The following RBFOX3 variants were observed in gnomAD, a reference collection of about 807,000 sequenced individuals.
RBFOX3 encodes the protein RNA binding protein fox-1 homolog 3.
RBFOX3 carries 17 observed loss-of-function variants against 48.7 expected under a neutral mutation model. The observed-to-expected ratio is 0.35, with a 90% CI of 0.24 to 0.52. The LOEUF (loss-of-function observed/expected upper bound fraction) is 0.52. Ranked by LOEUF, RBFOX3 falls within the 20% of genes least tolerant of loss-of-function variation. The pLI is 0.94. For missense variants in RBFOX3, 382 were observed against 497.5 expected, an observed-to-expected ratio of 0.77 and a Z score of 2.21; for synonymous variants, 212 against 209.5, an observed-to-expected ratio of 1.01 and a Z score of -0.10.
intron 2 of RBFOX3, among the ~76,000 whole-genome samples, chr17:79,411,597 C>T (rs1796250490): frequency 1.3e-5 from 2 of 152,194 alleles, no homozygotes; most frequent in Non-Finnish European, 2.9e-5. Flanking sequence ...CCCTGCCTGC[C>T]AGCCCGACTT....
intron 3 of RBFOX3, among the ~76,000 whole-genome samples, chr17:79,293,534 C>A (rs1485487042): frequency 6.6e-6 from 1 of 151,586 alleles, no homozygotes; most frequent in Admixed American, 6.6e-5. Flanking sequence ...CTCATTGCAA[C>A]CTCCACCTTC....
intron 2 of RBFOX3, among the ~76,000 whole-genome samples, chr17:79,388,449 T>C (rs1225344766): frequency 1.3e-5 from 2 of 152,188 alleles, no homozygotes; most frequent in African/African-American, 2.4e-5. Flanking sequence ...CCAACACACA[T>C]GGAATCGTTT....
At chr17:79,092,995 C>T (rs2074277100) in intron 14 of RBFOX3, among the ~76,000 whole-genome samples, 3 of 151,996 alleles carry the variant, frequency 2.0e-5, no homozygotes, top group Admixed American at 2.0e-4. Flanking sequence ...CCTCGCACCC[C>T]AGCAGGGTGG....
At chr17:79,180,817 G>A (rs908262487) in intron 4 of RBFOX3, among the ~76,000 whole-genome samples, 4 of 151,412 alleles carry the variant, frequency 2.6e-5, no homozygotes, top group East Asian at 2.0e-4. Context: ...AGCCGCGGGC[G>A]AGGGAAGGAA....
At chr17:79,381,345 T>C (rs887208632) in intron 2 of RBFOX3, among the ~76,000 whole-genome samples, 1 of 152,196 alleles carries the variant, frequency 6.6e-6, no homozygotes, top group African/African-American at 2.4e-5. Flanking sequence ...CATTGTCAGG[T>C]CGACATGTGA....
chr17:79,092,438 G>GAAAT (rs2074112453), intron 14 of RBFOX3: 1 of 985,668 alleles, frequency 1.0e-6, no homozygotes, highest in African/African-American at 1.7e-5. Flanking sequence ...TGGCTGGAGA[G>GAAAT]AAATAATCTA....
intron 3 of RBFOX3, among the ~76,000 whole-genome samples, chr17:79,253,787 A>G (rs997786604): frequency 2.0e-5 from 3 of 152,182 alleles, no homozygotes; most frequent in African/African-American, 7.2e-5. Flanking sequence ...TTGAGCACCT[A>G]CTGTGTTTTG....
chr17:79,545,812 C>T (rs1233194845), intron 1 of RBFOX3, among the ~76,000 whole-genome samples: 6 of 152,234 alleles, frequency 3.9e-5, no homozygotes, highest in African/African-American at 1.2e-4. Flanking sequence ...CAGACATGCA[C>T]ACTCAGACAC....
intron 1 of RBFOX3, among the ~76,000 whole-genome samples, chr17:79,536,167 T>TC (rs1454357425): frequency 2.3e-4 from 33 of 141,578 alleles, no homozygotes; most frequent in African/African-American, 8.7e-4. Flanking sequence ...ACCTCTGCCT[T>TC]CCAGGCTCAA....
chr17:79,462,946 G>A (rs534345618), intron 2 of RBFOX3, among the ~76,000 whole-genome samples: 1 of 152,014 alleles, frequency 6.6e-6, no homozygotes, highest in Non-Finnish European at 1.5e-5. Flanking sequence ...TTTGAGCATC[G>A]TTCGATTGCC....
intron 4 of RBFOX3, among the ~76,000 whole-genome samples, chr17:79,183,857 C>T (rs1034732855): frequency 2.0e-5 from 3 of 152,148 alleles, no homozygotes; most frequent in African/African-American, 7.2e-5. Context: ...CCGCCGGCAC[C>T]GGGGCAGCCC....
chr17:79,267,660 G>T (rs924138687), intron 3 of RBFOX3, among the ~76,000 whole-genome samples: 12 of 152,078 alleles, frequency 7.9e-5, no homozygotes, highest in Non-Finnish European at 2.9e-5. Context: ...CAAAGTGCTG[G>T]GATTACAGGT....
At chr17:79,337,035 G>A (rs568982633) in intron 2 of RBFOX3, among the ~76,000 whole-genome samples, 23 of 152,114 alleles carry the variant, frequency 1.5e-4, no homozygotes, top group South Asian at 4.2e-4. Flanking sequence ...CAGAAGAATC[G>A]CTTGAACCTG....
chr17:79,609,243 GAA>G (rs1254321389), intron 1 of RBFOX3, among the ~76,000 whole-genome samples: 1 of 152,164 alleles, frequency 6.6e-6, no homozygotes, highest in African/African-American at 2.4e-5. Flanking sequence ...GCTTCCGGCT[GAA>G]AGACCTCATT....
At chr17:79,272,010 C>T (rs1409724907) in intron 3 of RBFOX3, among the ~76,000 whole-genome samples, 1 of 152,236 alleles carries the variant, frequency 6.6e-6, no homozygotes, top group African/African-American at 2.4e-5. Flanking sequence ...AAATAGCCCG[C>T]TGGGTGGGCC....
At chr17:79,114,010 C>T (rs2033023035) in intron 5 of RBFOX3, among the ~76,000 whole-genome samples, 1 of 152,152 alleles carries the variant, frequency 6.6e-6, no homozygotes, top group African/African-American at 2.4e-5. Flanking sequence ...GACCCTCCTG[C>T]TTCTGGTTTT....
intron 1 of RBFOX3, among the ~76,000 whole-genome samples, chr17:79,525,707 T>A (rs977532327): frequency 1.3e-5 from 2 of 152,222 alleles, no homozygotes; most frequent in Non-Finnish European, 2.9e-5. Context: ...ATCACCATCA[T>A]CTATTTTTTC....
chr17:79,121,152 C>T (rs1269418194), intron 4 of RBFOX3, among the ~76,000 whole-genome samples: 2 of 152,162 alleles, frequency 1.3e-5, no homozygotes, highest in Admixed American at 6.5e-5. Flanking sequence ...TCGTCACCTA[C>T]ACCAGGCCCT....
chr17:79,142,955 A>G (rs2042203365), intron 4 of RBFOX3, among the ~76,000 whole-genome samples: 1 of 152,086 alleles, frequency 6.6e-6, no homozygotes, highest in Non-Finnish European at 1.5e-5. Flanking sequence ...CACTGAGTCC[A>G]GGTCCCAGGA....
Sources: allele counts gnomAD v4.1 joint callset (sites outside exome capture counted in the v4.1 genomes callset), GRCh38; gene constraint gnomAD v4.1.1; transcripts MANE v1.5; gene names NCBI Gene and HGNC (gene_info 2026-07-23, HGNC 2026-07-21).